Variants in PTCSC3 observed in about 807,000 individuals in gnomAD.
PTCSC3 encodes papillary thyroid carcinoma susceptibility candidate 3 (non-protein coding).
intron 2 of PTCSC3, among the ~76,000 whole-genome samples, chr14:36,161,449 CTGTT>C (rs1169680745): frequency 6.6e-6 from 1 of 152,102 alleles, no homozygotes; most frequent in East Asian, 1.9e-4. Flanking sequence ...CTATTTCTTT[CTGTT>C]TGTTAGTTTT....
At chr14:36,164,785 A>G (rs536709276) in intron 1 of PTCSC3, among the ~76,000 whole-genome samples, 1 of 152,184 alleles carries the variant, frequency 6.6e-6, no homozygotes, top group Non-Finnish European at 1.5e-5. Context: ...ATATAAATAC[A>G]CTGGAAGGAA....
At chr14:36,161,267 C>A (rs140672899) in intron 2 of PTCSC3, among the ~76,000 whole-genome samples, 1 of 152,066 alleles carries the variant, frequency 6.6e-6, no homozygotes, top group South Asian at 2.1e-4. Context: ...CCCTTGCTGG[C>A]GAGGAGTTGT....
intron 3 of PTCSC3, among the ~76,000 whole-genome samples, chr14:36,145,296 C>T (rs1376364920): frequency 6.6e-6 from 1 of 151,020 alleles, no homozygotes; most frequent in Non-Finnish European, 1.5e-5. Context: ...GTCCTGGACT[C>T]TTTTTGGTTG....
At chr14:36,160,762 G>A (rs1881937259) in intron 2 of PTCSC3, among the ~76,000 whole-genome samples, 1 of 152,068 alleles carries the variant, frequency 6.6e-6, no homozygotes, top group Non-Finnish European at 1.5e-5. Context: ...GAATTTGAAT[G>A]TTGGCCTGTC....
Position 36,136,991 on chromosome 14 carries a change from T to C in PTCSC3, n.323-635A>G, listed in dbSNP as rs138020552. Among the ~76,000 whole-genome samples the C allele has an allele frequency of 1.7e-3, 254 of 152,322 alleles. 2 individuals carry two copies. The highest frequency in any genetic ancestry group is 5.8e-3 in the African/African-American group (242 of 41,576). On this transcript the variant is annotated intron_variant and non_coding_transcript_variant, in intron 3 of 3. Coordinates refer to ENST00000556013, the Ensembl canonical transcript of PTCSC3. ...AGTCCTTATTCTTGAGGAGCTTTCA[T>C]TCTGGAAGGGGAAGACAAGAAAGTT...
chr14:36,137,389 C>A (rs996542069), intron 3 of PTCSC3, among the ~76,000 whole-genome samples: 6 of 152,148 alleles, frequency 3.9e-5, no homozygotes, highest in African/African-American at 1.4e-4. Context: ...TTAGATTATA[C>A]TCTGAATGAG....
intron 2 of PTCSC3, among the ~76,000 whole-genome samples, chr14:36,161,494 G>GCTGGA (rs1256622850): frequency 6.6e-6 from 1 of 152,162 alleles, no homozygotes; most frequent in Non-Finnish European, 1.5e-5. Context: ...CTGCAGGTCT[G>GCTGGA]CTGGAGTTTG....
intron 1 of PTCSC3, among the ~76,000 whole-genome samples, chr14:36,172,474 TAACTC>T (rs1462942327): frequency 6.6e-6 from 1 of 152,060 alleles, no homozygotes. Flanking sequence ...AATATGTAAA[TAACTC>T]TAACTACCAG....
intron 1 of PTCSC3, among the ~76,000 whole-genome samples, chr14:36,169,794 C>G (rs1488280290): frequency 6.6e-6 from 1 of 152,170 alleles, no homozygotes; most frequent in Non-Finnish European, 1.5e-5. Flanking sequence ...AACATTGCCA[C>G]TTTTCTTACA....
At chr14:36,167,209 T>C (rs561255129) in intron 1 of PTCSC3, among the ~76,000 whole-genome samples, 23 of 152,338 alleles carry the variant, frequency 1.5e-4, no homozygotes, top group African/African-American at 5.3e-4. Context: ...ATCCTATTTC[T>C]GTTTCACCAA....
At chr14:36,143,025 T>C (rs936324187) in intron 3 of PTCSC3, among the ~76,000 whole-genome samples, 1 of 152,088 alleles carries the variant, frequency 6.6e-6, no homozygotes, top group Non-Finnish European at 1.5e-5. Flanking sequence ...CCATGGTGTG[T>C]ATGTGCCACA....
chr14:36,167,302 G>T (rs1882108338), intron 1 of PTCSC3, among the ~76,000 whole-genome samples: 1 of 151,764 alleles, frequency 6.6e-6, no homozygotes, highest in African/African-American at 2.4e-5. Flanking sequence ...CCTCTGTTAG[G>T]TTTTTTTTCC....
chr14:36,135,863 ATATATATATATATGTGTGTGTGTGTG>A (rs1400914914), downstream of PTCSC3, among the ~76,000 whole-genome samples: 1 of 31,536 alleles, frequency 3.2e-5, no homozygotes, highest in Admixed American at 4.0e-4. Context: ...AGAGGGACAG[ATATATATATATATGTGTGTGTGTGTG>A]TATATATATA....
At chr14:36,149,669 T>A (rs1221905839) in intron 3 of PTCSC3, among the ~76,000 whole-genome samples, 1 of 152,230 alleles carries the variant, frequency 6.6e-6, no homozygotes, top group African/African-American at 2.4e-5. Context: ...TTAATTATTA[T>A]GTCTTTTTGG....
chr14:36,161,798 T>C (rs892654547), intron 2 of PTCSC3, among the ~76,000 whole-genome samples: 1 of 152,104 alleles, frequency 6.6e-6, no homozygotes, highest in Non-Finnish European at 1.5e-5. Context: ...GTAGGCACAT[T>C]TAAGTCTGCT....
At chr14:36,162,911 C>T (rs1325050511) in intron 1 of PTCSC3, among the ~76,000 whole-genome samples, 1 of 152,112 alleles carries the variant, frequency 6.6e-6, no homozygotes. Flanking sequence ...TTCTCTTCAA[C>T]GGAAGTGTTT....
intron 1 of PTCSC3, among the ~76,000 whole-genome samples, chr14:36,163,437 C>A (rs1882015053): frequency 6.7e-6 from 1 of 149,122 alleles, no homozygotes; most frequent in Non-Finnish European, 1.5e-5. Context: ...AAAAAAAGAA[C>A]AAAGAAATAC....
Position 36,148,143 on chromosome 14 carries a change from G to A in PTCSC3, n.322+5661C>T, listed in dbSNP as rs185778933. The stretch of plus-strand genomic sequence containing the variant: ...TTGTCTGTGCCCTGCCCCCAGAGAT[G>A]GAGCCTACAGAGGCAGGCAGGCCTC... On this transcript the variant is annotated intron_variant and non_coding_transcript_variant, in intron 3 of 3. Transcript: ENST00000556013. 8.4e-3 allele frequency among the ~76,000 whole-genome samples: 1,283 copies of A among 152,112 alleles called. 9 individuals are homozygous for A. The highest frequency in any genetic ancestry group is 0.015 in the Admixed American group (236 of 15,298).
chr14:36,163,417 C>G lies in PTCSC3; in HGVS notation n.172-734G>C, dbSNP rs144600997. Reference sequence around the variant, plus strand: ...GAAATTGGAAAAAGCAACTAGACACCATGGAGGAAAAAAAAAGAACAAAGA... The same window carrying G: ...GAAATTGGAAAAAGCAACTAGACACGATGGAGGAAAAAAAAAGAACAAAGA... On this transcript the variant is annotated intron_variant and non_coding_transcript_variant, in intron 1 of 3. Transcript: ENST00000556013. Among the ~76,000 whole-genome samples the G allele has an allele frequency of 8.7e-5, 13 of 149,560 alleles. No homozygotes were observed. The East Asian group carries it at 2.5e-3, about 29-fold the overall frequency.
Sources: allele counts gnomAD v4.1 joint callset (sites outside exome capture counted in the v4.1 genomes callset), GRCh38; gene constraint gnomAD v4.1.1; transcripts MANE v1.5; gene names NCBI Gene and HGNC (gene_info 2026-07-23, HGNC 2026-07-21).